Variants in ELAPOR1 observed in about 807,000 individuals in gnomAD.
ELAPOR1 encodes the protein endosome/lysosome-associated apoptosis and autophagy regulator 1.
In ELAPOR1, 77 loss-of-function variants were observed where a neutral mutation model predicts 119.7. The ratio of observed to expected loss-of-function variants is 0.64; its 90% CI spans 0.54 to 0.78. The LOEUF (loss-of-function observed/expected upper bound fraction) is 0.78. Among genes scored for constraint, ELAPOR1 ranks in the 30% least tolerant of loss-of-function variants. The pLI is 0.00. For missense variants in ELAPOR1, 1,115 were observed against 1,270.4 expected, an observed-to-expected ratio of 0.88 and a Z score of 1.86; for synonymous variants, 481 against 487.2, an observed-to-expected ratio of 0.99 and a Z score of 0.17.
In ELAPOR1 at chr1:109,204,911, G is replaced by A. The variant is rs931074437; in HGVS notation, c.*1899G>A. ...TCTAAAAAATTTAAAAATAAACAAG[G>A]TGTTCACCAAGCTGGGATACTTCTC... On this transcript the variant is annotated 3_prime_UTR_variant, in exon 22 of 22. Transcript: ENST00000369939. 6.6e-6 allele frequency: 1 copy of A among 152,152 alleles called. No homozygotes were observed. The allele number at this position is 152,152 out of a possible 1,614,324, so 9.4% of individuals were successfully genotyped here.
intron 1 of ELAPOR1, among the ~76,000 whole-genome samples, chr1:109,122,219 A>T (rs1421899409): frequency 6.6e-6 from 1 of 151,394 alleles, no homozygotes; most frequent in Non-Finnish European, 1.5e-5. Flanking sequence ...ACAAGCGTGC[A>T]CCACCACACT....
intron 1 of ELAPOR1, among the ~76,000 whole-genome samples, chr1:109,139,824 T>G (rs546851082): frequency 1.3e-5 from 2 of 152,174 alleles, no homozygotes; most frequent in African/African-American, 4.8e-5. Context: ...CAGGCTGGAG[T>G]GCAGTGGCAT....
At chr1:109,138,449 T>C (rs2100993670) in intron 1 of ELAPOR1, among the ~76,000 whole-genome samples, 1 of 152,274 alleles carries the variant, frequency 6.6e-6, no homozygotes, top group South Asian at 2.1e-4. Flanking sequence ...ATTTGGCCTC[T>C]ATGGCTCGGA....
At chr1:109,163,079 T>C (rs1053358311) in intron 2 of ELAPOR1, among the ~76,000 whole-genome samples, 1 of 152,126 alleles carries the variant, frequency 6.6e-6, no homozygotes, top group Non-Finnish European at 1.5e-5. Context: ...CAGACATATA[T>C]GATATGAGAA....
intron 2 of ELAPOR1, 23 bp downstream of exon 2, chr1:109,162,037 G>A (rs1651297362): frequency 1.3e-6 from 2 of 1,594,926 alleles, no homozygotes; most frequent in Non-Finnish European, 1.7e-6. Context: ...CCTGCTCAGG[G>A]CCTCCCTGTC....
intron 1 of ELAPOR1, among the ~76,000 whole-genome samples, chr1:109,141,251 T>C (rs1288987134): frequency 6.6e-6 from 1 of 150,618 alleles, no homozygotes; most frequent in African/African-American, 2.5e-5. Context: ...ATAAAATTAA[T>C]GAAAGTATTA....
At position 109,194,604 on chromosome 1, in the gene ELAPOR1, A is replaced by G. The variant is rs1250804402; in HGVS notation, c.2121+10A>G. On this transcript the variant is annotated intron_variant, in intron 15 of 21. Coordinates refer to ENST00000369939, the MANE Select transcript of ELAPOR1 (RefSeq NM_020775.5). ...TCTCTGTGGAAACCAGGTAAGGTAT[A>G]CCAGTTGACAGGGTGAAAATTGAAT... 1 of 1,612,446 alleles carries G rather than the reference A, an allele frequency of 6.2e-7. No homozygotes were observed. Among genetic ancestry groups the G allele is most frequent in the Admixed American group, 1.7e-5 (1 of 60,012 alleles).
chr1:109,161,296 G>T (rs1388451834), intron 1 of ELAPOR1, among the ~76,000 whole-genome samples: 1 of 151,670 alleles, frequency 6.6e-6, no homozygotes, highest in Non-Finnish European at 1.5e-5. Context: ...TGTAGTCCCA[G>T]CTACTCGGGA....
intron 7 of ELAPOR1, among the ~76,000 whole-genome samples, chr1:109,182,774 G>A (rs938304759): frequency 1.3e-5 from 2 of 151,380 alleles, no homozygotes; most frequent in African/African-American, 4.9e-5. Context: ...GGCTGAGGCA[G>A]GAGAATGGCG....
Position 109,203,083 on chromosome 1 carries a change from C to A in ELAPOR1, c.*71C>A. On this transcript the variant is annotated 3_prime_UTR_variant, in exon 22 of 22. Coordinates refer to ENST00000369939, the MANE Select transcript of ELAPOR1 (RefSeq NM_020775.5). ...TTGCAAGCCTGCGGCGATTTGGGTG[C>A]CAGCATCCTGCAACACCCACTGCTG... The A allele has an allele frequency of 9.9e-7, 1 of 1,005,448 alleles. No individual in the cohort carries two copies. The highest frequency in any genetic ancestry group is 1.6e-6 in the Non-Finnish European group (1 of 644,584). The allele number at this position is 1,005,448 out of a possible 1,614,324, so 62.3% of individuals were successfully genotyped here. A position where few individuals can be genotyped will look rare whatever the true frequency, so the allele number is the denominator to read the frequency against.
intron 1 of ELAPOR1, among the ~76,000 whole-genome samples, chr1:109,131,789 A>C (rs1434913110): frequency 6.6e-6 from 1 of 152,162 alleles, no homozygotes; most frequent in Non-Finnish European, 1.5e-5. Flanking sequence ...CAGTACCCAA[A>C]TCTTAGCCCA....
rs749618536 is a variant in ELAPOR1 at position 109,202,970 on chromosome 1, G to A, written c.3000G>A (p.Val1000=). ...SKRTPDGFDS[V]PLKTSSGGLD... ...GGACTCCTGATGGATTTGACTCAGT[G>A]CCGCTGAAGACATCCTCAGGAGGCC... The change falls in exon 22 of 22, where the codon GTG becomes GTA. Residue 1000 remains valine (V), a synonymous_variant. Coordinates refer to ENST00000369939, the MANE Select transcript of ELAPOR1 (RefSeq NM_020775.5). The A allele has an allele frequency of 8.3e-5, 134 of 1,613,728 alleles. No homozygotes were observed. Among genetic ancestry groups the A allele is most frequent in the Middle Eastern group, 1.6e-4 (1 of 6,062 alleles).
chr1:109,189,155 G>A lies in ELAPOR1; in HGVS notation c.1309G>A (p.Val437Ile), dbSNP rs757611417. Residue 437 changes from valine (V) to isoleucine (I), a missense_variant, in exon 10 of 22, where the codon GTT becomes ATT. Physicochemically the swap from Val to Ile is conservative, Grantham distance 29. Transcript: ENST00000369939. ...NTLPTNMETTVLSGINFEYKG... is the reference protein window; with the variant it reads ...NTLPTNMETTILSGINFEYKG... The stretch of plus-strand genomic sequence containing the variant: ...GCTGCCCACAAACATGGAAACGACC[G>A]TTCTCAGTGGGATCAACTTCGAGTA... 18 of 1,614,016 alleles carry A rather than the reference G, an allele frequency of 1.1e-5. No individual in the cohort carries two copies. Among genetic ancestry groups the A allele is most frequent in the Admixed American group, 3.3e-5 (2 of 59,990 alleles).
intron 8 of ELAPOR1, chr1:109,187,001 T>C (rs1244312358): frequency 2.0e-6 from 2 of 985,564 alleles, no homozygotes; most frequent in Non-Finnish European, 2.4e-6. Context: ...GAACATGCAT[T>C]CCCCAGCTGT....
chr1:109,173,850 A>T lies in ELAPOR1; in HGVS notation c.952+13A>T. On this transcript the variant is annotated intron_variant, in intron 7 of 21. Coordinates refer to ENST00000369939, the MANE Select transcript of ELAPOR1 (RefSeq NM_020775.5). ...GACAAATACTCAGGTGATGTTTCTG[A>T]GGGTGGGAAGAGTTTGGGGATAGAG... 1 of 1,613,280 alleles carries T rather than the reference A, an allele frequency of 6.2e-7. No individual in the cohort carries two copies. The highest frequency in any genetic ancestry group is 8.5e-7 in the Non-Finnish European group (1 of 1,179,564).
At chr1:109,156,904 T>C (rs751262495) in intron 1 of ELAPOR1, among the ~76,000 whole-genome samples, 1 of 152,158 alleles carries the variant, frequency 6.6e-6, no homozygotes, top group African/African-American at 2.4e-5. Context: ...CCATCAAGAC[T>C]CTGTATGTAA....
chr1:109,133,042 C>A (rs1182571000), intron 1 of ELAPOR1, among the ~76,000 whole-genome samples: 2 of 152,072 alleles, frequency 1.3e-5, no homozygotes, highest in African/African-American at 2.4e-5. Flanking sequence ...CCAGCCCGGG[C>A]AACATGGCAA....
chr1:109,149,959 G>C (rs965418478), intron 1 of ELAPOR1, among the ~76,000 whole-genome samples: 2 of 152,216 alleles, frequency 1.3e-5, no homozygotes, highest in Non-Finnish European at 2.9e-5. Context: ...ACAGTGCCGG[G>C]CCCCGAGCCT....
intron 7 of ELAPOR1, among the ~76,000 whole-genome samples, chr1:109,176,405 C>T (rs1160065494): frequency 6.6e-6 from 1 of 152,038 alleles, no homozygotes; most frequent in Non-Finnish European, 1.5e-5. Context: ...ATATGTAAAC[C>T]CAGCACAAGG....
Sources: gnomAD v4.1 joint callset for allele counts (sites outside exome capture counted in the v4.1 genomes callset) on GRCh38, gnomAD v4.1.1 for gene constraint, MANE v1.5 for transcripts, NCBI Gene and HGNC (gene_info 2026-07-23, HGNC 2026-07-21) for gene names.